The following LRMDA variants were observed in gnomAD, a reference collection of about 807,000 sequenced individuals.
LRMDA encodes leucine rich melanocyte differentiation associated.
A neutral mutation model predicts 29.8 loss-of-function variants in LRMDA; 18 were observed. The observed-to-expected ratio is 0.60, with a 90% CI of 0.42 to 0.90. The LOEUF is 0.90. LRMDA is among the 40% of genes least tolerant of loss of function. LRMDA has a pLI of 0.00. For synonymous variants in LRMDA, 125 were observed against 109.4 expected (o/e 1.14, Z -0.89); for missense variants, 273 against 273.9 (o/e 1.00, Z 0.02).
intron 2 of LRMDA, among the ~76,000 whole-genome samples, chr10:75,484,773 A>G (rs903250618): frequency 2.6e-5 from 4 of 152,196 alleles, no homozygotes; most frequent in Admixed American, 6.5e-5. Context: ...ACACAGCAAG[A>G]AGGTGGCCGT....
chr10:75,447,500 T>C (rs1294219256), intron 2 of LRMDA, among the ~76,000 whole-genome samples: 1 of 152,186 alleles, frequency 6.6e-6, no homozygotes, highest in African/African-American at 2.4e-5. Context: ...CACACCAGCC[T>C]GGGCAACAAA....
At chr10:75,905,012 A>G (rs1372378913) in intron 2 of LRMDA, among the ~76,000 whole-genome samples, 1 of 152,192 alleles carries the variant, frequency 6.6e-6, no homozygotes, top group Admixed American at 6.5e-5. Flanking sequence ...GGGAAAAAAA[A>G]GTGCACACTC....
chr10:76,328,698 G>A (rs1433951516), intron 6 of LRMDA, among the ~76,000 whole-genome samples: 2 of 152,212 alleles, frequency 1.3e-5, no homozygotes, highest in Non-Finnish European at 2.9e-5. Context: ...AAGGCTGCTA[G>A]GAGCTACAGC....
intron 2 of LRMDA, among the ~76,000 whole-genome samples, chr10:75,727,608 G>A (rs1227407894): frequency 6.6e-6 from 1 of 152,118 alleles, no homozygotes; most frequent in South Asian, 2.1e-4. Flanking sequence ...CAGTAACCAT[G>A]TTCTTTAACG....
intron 2 of LRMDA, among the ~76,000 whole-genome samples, chr10:76,006,597 G>C (rs1020140986): frequency 6.6e-6 from 1 of 151,896 alleles, no homozygotes; most frequent in African/African-American, 2.4e-5. Flanking sequence ...ACCAATCTAG[G>C]GGAAAAAAAT....
chr10:75,930,769 T>C (rs1846193137), intron 2 of LRMDA, among the ~76,000 whole-genome samples: 1 of 152,184 alleles, frequency 6.6e-6, no homozygotes, highest in Non-Finnish European at 1.5e-5. Context: ...TTTTTGTGAG[T>C]GTTAATTGTG....
Position 76,470,188 on chromosome 10 carries a change from A to G in LRMDA, c.602-87021A>G, listed in dbSNP as rs549374418. The stretch of plus-strand genomic sequence containing the variant: ...CTAGCAGACTTCCTTTACAAGAAAT[A>G]CTAAGGGAAGTAATACAGGCTGAAA... On this transcript the variant is annotated intron_variant, in intron 6 of 6. Transcript: ENST00000611255. Among the ~76,000 whole-genome samples the G allele has an allele frequency of 3.9e-5, 6 of 152,294 alleles. No homozygotes were observed. In the South Asian group the frequency reaches 6.2e-4, roughly 16 times the overall value.
At chr10:76,304,898 G>A (rs1423420797) in intron 5 of LRMDA, among the ~76,000 whole-genome samples, 12 of 152,172 alleles carry the variant, frequency 7.9e-5, no homozygotes, top group Non-Finnish European at 2.9e-5. Flanking sequence ...TCAGGGTGAG[G>A]AGTGAAGGCA....
At chr10:76,422,349 A>G (rs535135701) in intron 6 of LRMDA, among the ~76,000 whole-genome samples, 32 of 152,090 alleles carry the variant, frequency 2.1e-4, no homozygotes, top group African/African-American at 7.7e-4. Flanking sequence ...AAGATTTTCT[A>G]CACATATTTA....
At chr10:75,663,008 G>T (rs572700645) in intron 2 of LRMDA, among the ~76,000 whole-genome samples, 33 of 152,328 alleles carry the variant, frequency 2.2e-4, no homozygotes, top group African/African-American at 6.7e-4. Context: ...CTGGACTTCA[G>T]AGCAGGCTGA....
Position 76,522,992 on chromosome 10 carries a change from G to C in LRMDA, c.602-34217G>C, listed in dbSNP as rs553221074. Among the ~76,000 whole-genome samples, 4 of 152,232 alleles carry C rather than the reference G, an allele frequency of 2.6e-5. No homozygotes were observed. The East Asian group carries it at 5.8e-4, about 22-fold the overall frequency. On this transcript the variant is annotated intron_variant, in intron 6 of 6. Transcript: ENST00000611255. ...TGCCTGGTGCCTTTGATATTTGTGG[G>C]CACTGCAGACCAGAGAAAAAGAGTT...
At chr10:75,919,159 G>A (rs1241994129) in intron 2 of LRMDA, among the ~76,000 whole-genome samples, 2 of 152,168 alleles carry the variant, frequency 1.3e-5, no homozygotes, top group African/African-American at 2.4e-5. Flanking sequence ...AACTGACCGG[G>A]GACAAAGCCG....
intron 5 of LRMDA, among the ~76,000 whole-genome samples, chr10:76,074,866 T>A (rs889348550): frequency 6.6e-6 from 1 of 152,150 alleles, no homozygotes; most frequent in African/African-American, 2.4e-5. Flanking sequence ...ATCCCGGTGG[T>A]TTAGTCAGTC....
At chr10:76,553,421 G>C (rs1280554581) in intron 6 of LRMDA, among the ~76,000 whole-genome samples, 1 of 152,168 alleles carries the variant, frequency 6.6e-6, no homozygotes, top group Non-Finnish European at 1.5e-5. Flanking sequence ...TTCCAGCCTC[G>C]GAGTGCCTCC....
intron 5 of LRMDA, among the ~76,000 whole-genome samples, chr10:76,238,501 G>A (rs1263836312): frequency 6.8e-6 from 1 of 147,832 alleles, no homozygotes; most frequent in Non-Finnish European, 1.5e-5. Context: ...CTCTACCCAG[G>A]GGTCTTCTCC....
chr10:75,890,346 C>A (rs1845464014), intron 2 of LRMDA, among the ~76,000 whole-genome samples: 2 of 152,168 alleles, frequency 1.3e-5, no homozygotes, highest in South Asian at 4.1e-4. Flanking sequence ...TTAAAAGGCA[C>A]ACAAAACATT....
chr10:75,723,754 A>C (rs763302799), intron 2 of LRMDA, among the ~76,000 whole-genome samples: 2 of 152,202 alleles, frequency 1.3e-5, no homozygotes, highest in Non-Finnish European at 2.9e-5. Context: ...ATAAAATTGC[A>C]CTGATGTATG....
intron 6 of LRMDA, chr10:76,470,580 A>C (rs971990413): frequency 2.6e-4 from 40 of 152,120 alleles, no homozygotes; most frequent in African/African-American, 9.4e-4. Context: ...GGAATGATGT[A>C]CTGATATATA....
chr10:76,174,999 T>A (rs1850907029), intron 5 of LRMDA, among the ~76,000 whole-genome samples: 1 of 152,182 alleles, frequency 6.6e-6, no homozygotes, highest in Admixed American at 6.5e-5. Context: ...CGTGCGCCTG[T>A]AGTCCCAGCT....
Sources: allele counts gnomAD v4.1 joint callset (sites outside exome capture counted in the v4.1 genomes callset), GRCh38; gene constraint gnomAD v4.1.1; transcripts MANE v1.5; gene names NCBI Gene and HGNC (gene_info 2026-07-23, HGNC 2026-07-21).